Variants in SIX3 observed in about 807,000 individuals in gnomAD.
SIX3 encodes homeobox protein SIX3.
A neutral mutation model predicts 21.7 loss-of-function variants in SIX3; 2 were observed. The ratio of observed to expected loss-of-function variants is 0.09; its 90% CI spans 0.04 to 0.29. The LOEUF is 0.29. Among genes scored for constraint, SIX3 ranks in the 10% least tolerant of loss-of-function variants. SIX3 has a pLI of 1.00. For missense variants in SIX3, 347 were observed against 480.7 expected, an observed-to-expected ratio of 0.72 and a Z score of 2.60; for synonymous variants, 243 against 220.6, an observed-to-expected ratio of 1.10 and a Z score of -0.90.
In SIX3 at chr2:44,943,105, C is replaced by T. The variant is rs1477605018; in HGVS notation, c.806+195C>T. ...GCTGTGGGTGTATTGATTGCTTTGA[C>T]CAAGAGGGGCTTTCGTCAGGGCAGA... On this transcript the variant is annotated intron_variant, in intron 1 of 1. Coordinates refer to ENST00000260653, the MANE Select transcript of SIX3 (RefSeq NM_005413.4). Among the ~76,000 whole-genome samples the T allele has an allele frequency of 6.6e-5, 10 of 151,970 alleles. 2 individuals carry two copies. The highest frequency in any genetic ancestry group is 3.9e-4 in the Admixed American group (6 of 15,264).
intron 1 of SIX3, among the ~76,000 whole-genome samples, chr2:44,944,275 G>A (rs560309144): frequency 1.3e-5 from 2 of 152,344 alleles, no homozygotes; most frequent in East Asian, 1.9e-4. Context: ...GGTTACTAGG[G>A]GAACTCGACC....
Position 44,942,132 on chromosome 2 carries a change from T to C in SIX3, c.28T>C (p.Tyr10His). ...GGTATTCCGCTCCCCCCTAGACCTC[T>C]ATTCCTCCCACTTCTTGTTGCCAAA... is the stretch of plus-strand genomic sequence containing the variant. MVFRSPLDLYSSHFLLPNFA... is the reference protein window; with the variant it reads MVFRSPLDLHSSHFLLPNFA... Residue 10 changes from tyrosine (Y) to histidine (H), a missense_variant, in exon 1 of 2, where the codon TAT (tyrosine) becomes CAT (histidine). Physicochemically the swap from Tyr to His is moderately conservative, Grantham distance 83 (BLOSUM62 2). Coordinates refer to ENST00000260653, the MANE Select transcript of SIX3 (RefSeq NM_005413.4). The surrounding 1 kb of genome is among the most constrained non-coding windows in gnomAD (Gnocchi z 8.4). The C allele has an allele frequency of 6.3e-7, 1 of 1,596,288 alleles. No homozygotes were observed. The highest frequency in any genetic ancestry group is 8.5e-7 in the Non-Finnish European group (1 of 1,178,142).
In SIX3 at chr2:44,945,014, C is replaced by T. The variant is rs527280102; in HGVS notation, c.*254C>T. 7.9e-5 allele frequency: 45 copies of T among 571,528 alleles called. 1 individual carries two copies. In the South Asian group the frequency reaches 8.6e-4, roughly 11 times the overall value. The allele number at this position is 571,528 out of a possible 1,614,324, so 35.4% of individuals were successfully genotyped here. On this transcript the variant is annotated 3_prime_UTR_variant, in exon 2 of 2. Transcript: ENST00000260653. ...CCCCAACCACCATCTACCACTACGG[C>T]CACCCCAAAGGACCCCGACGCCAAC...
chr2:44,945,093 T>C lies in SIX3; in HGVS notation c.*333T>C. The C allele has an allele frequency of 2.5e-6, 1 of 407,982 alleles. No homozygotes were observed. Among genetic ancestry groups the C allele is most frequent in the South Asian group, 2.6e-5 (1 of 37,950 alleles). The allele number at this position is 407,982 out of a possible 1,614,324, so 25.3% of individuals were successfully genotyped here. A position where few individuals can be genotyped will look rare whatever the true frequency, so the allele number is the denominator to read the frequency against. On this transcript the variant is annotated 3_prime_UTR_variant, in exon 2 of 2. Transcript: ENST00000260653. ...GAAAACATAAAAGAGGTGACAATTG[T>C]ATACTTTCTAGGACAAGCACGGCTT...
intron 1 of SIX3, 112 bp downstream of exon 1, chr2:44,943,022 T>C: frequency 6.9e-7 from 1 of 1,444,604 alleles, no homozygotes; most frequent in Non-Finnish European, 9.1e-7. Flanking sequence ...CCGTGACTCC[T>C]GGCCAGTCGG....
Position 44,944,768 on chromosome 2 carries a change from G to A in SIX3, c.*8G>A. ...TCGGAATGTGATGTATGATAGCCAA[G>A]GCCGCCCTCCTCCCTCTCCTTCCCC... On this transcript the variant is annotated 3_prime_UTR_variant, in exon 2 of 2. Coordinates refer to ENST00000260653, the MANE Select transcript of SIX3 (RefSeq NM_005413.4). The A allele has an allele frequency of 6.3e-7, 1 of 1,574,836 alleles. No homozygotes were observed.
At position 44,945,375 on chromosome 2, in the gene SIX3, G is replaced by A. The variant is rs1196196816; in HGVS notation, c.*615G>A. On this transcript the variant is annotated 3_prime_UTR_variant, in exon 2 of 2. Coordinates refer to ENST00000260653, the MANE Select transcript of SIX3 (RefSeq NM_005413.4). ...AAAAAAAAAAAAGAACTCCTGGAGAGGGAAATAGCAAATGTGTCTTGCCTT... is the reference window on the plus strand; with the variant it reads ...AAAAAAAAAAAAGAACTCCTGGAGAAGGAAATAGCAAATGTGTCTTGCCTT... 6.9e-6 allele frequency: 1 copy of A among 145,924 alleles called. No homozygotes were observed. Among genetic ancestry groups the A allele is most frequent in the Non-Finnish European group, 1.5e-5 (1 of 67,160 alleles). 9.0% of individuals were successfully genotyped at this position (145,924 alleles called of 1,614,324 possible).
Position 44,944,861 on chromosome 2 carries a change from C to T in SIX3, c.*101C>T. 1.7e-6 allele frequency: 2 copies of T among 1,152,808 alleles called. No individual in the cohort carries two copies. Among genetic ancestry groups the T allele is most frequent in the Non-Finnish European group, 2.5e-6 (2 of 796,734 alleles). The allele number at this position is 1,152,808 out of a possible 1,614,324, so 71.4% of individuals were successfully genotyped here. On this transcript the variant is annotated 3_prime_UTR_variant, in exon 2 of 2. Coordinates refer to ENST00000260653, the MANE Select transcript of SIX3 (RefSeq NM_005413.4). ...CTTCCTCCTCTTCCTTCTCCTCCTC[C>T]ATCCCCAGAACAAACCGAAATCAGG... is the stretch of plus-strand genomic sequence containing the variant.
At position 44,944,980 on chromosome 2, in the gene SIX3, A is replaced by G. The variant is rs1666662111; in HGVS notation, c.*220A>G. The G allele has an allele frequency of 1.0e-5, 6 of 591,136 alleles. No homozygotes were observed. The highest frequency in any genetic ancestry group is 3.9e-5 in the South Asian group (2 of 50,698). The allele number at this position is 591,136 out of a possible 1,614,324, so 36.6% of individuals were successfully genotyped here. ...GAAAATAACAAATTAACCGCAAACT[A>G]TCAACAACCCCCAACCACCATCTAC... On this transcript the variant is annotated 3_prime_UTR_variant, in exon 2 of 2. Coordinates refer to ENST00000260653, the MANE Select transcript of SIX3 (RefSeq NM_005413.4).
In SIX3 at chr2:44,944,997, A is replaced by G. The variant is rs1666662567; in HGVS notation, c.*237A>G. 1 of 558,844 alleles carries G rather than the reference A, an allele frequency of 1.8e-6. No individual in the cohort carries two copies. Among genetic ancestry groups the G allele is most frequent in the Non-Finnish European group, 3.2e-6 (1 of 310,976 alleles). 34.6% of individuals were successfully genotyped at this position (558,844 alleles called of 1,614,324 possible). A position where few individuals can be genotyped will look rare whatever the true frequency, so the allele number is the denominator to read the frequency against. On this transcript the variant is annotated 3_prime_UTR_variant, in exon 2 of 2. Transcript: ENST00000260653. ...CGCAAACTATCAACAACCCCCAACC[A>G]CCATCTACCACTACGGCCACCCCAA... is the stretch of plus-strand genomic sequence containing the variant.
rs1038212877 is a variant in SIX3 at position 44,945,888 on chromosome 2, C to G, written c.*1128C>G. On this transcript the variant is annotated 3_prime_UTR_variant, in exon 2 of 2. Coordinates refer to ENST00000260653, the MANE Select transcript of SIX3 (RefSeq NM_005413.4). ...CCTGGGTTAGGAAGAGGGACCCTGT[C>G]GCTAGCAAAAGCGGAGAGTGAGATT... 4 of 152,216 alleles carry G rather than the reference C, an allele frequency of 2.6e-5. No homozygotes were observed. The highest frequency in any genetic ancestry group is 9.7e-5 in the African/African-American group (4 of 41,442). The allele number at this position is 152,216 out of a possible 1,614,324, so 9.4% of individuals were successfully genotyped here.
chr2:44,942,325 C>T lies in SIX3; in HGVS notation c.221C>T (p.Pro74Leu), dbSNP rs771429347. The T allele has an allele frequency of 2.5e-6, 4 of 1,593,720 alleles. No individual in the cohort carries two copies. The highest frequency in any genetic ancestry group is 3.4e-6 in the Non-Finnish European group (4 of 1,177,682). ...GGCGGCGGCGGCTCCAGGGCCCCCCCGGAAGAGTTGTCCATGTTCCAGCTG... is the reference window on the plus strand; with the variant it reads ...GGCGGCGGCGGCTCCAGGGCCCCCCTGGAAGAGTTGTCCATGTTCCAGCTG... The part of the protein sequence containing the change: ...GGGGGGSRAP[P>L]EELSMFQLPT... Residue 74 changes from proline (P) to leucine (L), a missense_variant, in exon 1 of 2, where the codon CCG (proline) becomes CTG (leucine). By Grantham distance (98) the Pro-to-Leu change is moderately conservative (BLOSUM62 -3). Around this residue, in one of 4 missense-constraint regions of SIX3, gnomAD observed 105 missense variants for 116.1 expected, o/e 0.90. Transcript: ENST00000260653. This position sits in a 1 kb window ranked among gnomAD's most constrained non-coding sequence, Gnocchi z 8.4.
At position 44,942,100 on chromosome 2, in the gene SIX3, A is replaced by T. The variant is rs773437585; in HGVS notation, c.-5A>T. On this transcript the variant is annotated 5_prime_UTR_variant, in exon 1 of 2. Transcript: ENST00000260653. This position sits in a 1 kb window ranked among gnomAD's most constrained non-coding sequence, Gnocchi z 8.4. ...GAATTTTCTCCTCTCCTCTCAGGTC[A>T]GTCCATGGTATTCCGCTCCCCCCTA... The T allele has an allele frequency of 3.2e-5, 50 of 1,585,324 alleles. 1 individual carries two copies. The South Asian group carries it at 5.2e-4, about 16-fold the overall frequency.
chr2:44,942,069 C>G lies in SIX3; in HGVS notation c.-36C>G, dbSNP rs745758203. 9.8e-6 allele frequency: 15 copies of G among 1,538,178 alleles called. No individual in the cohort carries two copies. The highest frequency in any genetic ancestry group is 1.2e-5 in the Non-Finnish European group (14 of 1,129,588). On this transcript the variant is annotated 5_prime_UTR_variant, in exon 1 of 2. Transcript: ENST00000260653. The surrounding 1 kb of genome is among the most constrained non-coding windows in gnomAD (Gnocchi z 8.4). The stretch of plus-strand genomic sequence containing the variant: ...TCCTCTTCCTCCCCTCTCTCTTCCT[C>G]TCCCTGAATTTTCTCCTCTCCTCTC...
chr2:44,944,921 A>T lies in SIX3; in HGVS notation c.*161A>T. On this transcript the variant is annotated 3_prime_UTR_variant, in exon 2 of 2. Coordinates refer to ENST00000260653, the MANE Select transcript of SIX3 (RefSeq NM_005413.4). ...CATACACACATACAAGTCCACACAC[A>T]CTCCCACCCCAGCCAAAAATATATA... 2 of 660,816 alleles carry T rather than the reference A, an allele frequency of 3.0e-6. No homozygotes were observed. The highest frequency in any genetic ancestry group is 1.8e-5 in the South Asian group (1 of 56,884). 40.9% of individuals were successfully genotyped at this position (660,816 alleles called of 1,614,324 possible). A position where few individuals can be genotyped will look rare whatever the true frequency, so the allele number is the denominator to read the frequency against.
Position 44,945,007 on chromosome 2 carries a change from A to C in SIX3, c.*247A>C. 5.4e-6 allele frequency: 3 copies of C among 556,714 alleles called. No homozygotes were observed. Among genetic ancestry groups the C allele is most frequent in the East Asian group, 3.1e-5 (1 of 32,566 alleles). 34.5% of individuals were successfully genotyped at this position (556,714 alleles called of 1,614,324 possible). On this transcript the variant is annotated 3_prime_UTR_variant, in exon 2 of 2. Transcript: ENST00000260653. ...CAACAACCCCCAACCACCATCTACC[A>C]CTACGGCCACCCCAAAGGACCCCGA... is the stretch of plus-strand genomic sequence containing the variant.
chr2:44,944,332 A>AG (rs1666646182), intron 1 of SIX3, among the ~76,000 whole-genome samples: 1 of 152,130 alleles, frequency 6.6e-6, no homozygotes, highest in African/African-American at 2.4e-5. Context: ...GGGACTGCGG[A>AG]GGGAAGAAGC....
At chr2:44,943,060 C>A (rs1447610370) in intron 1 of SIX3, 150 bp downstream of exon 1, 6 of 1,332,896 alleles carry the variant, frequency 4.5e-6, no homozygotes, top group African/African-American at 1.5e-5. Flanking sequence ...CCGGGACGCG[C>A]GGAAGAGGGG....
At position 44,944,884 on chromosome 2, in the gene SIX3, A is replaced by G; in HGVS notation, c.*124A>G. On this transcript the variant is annotated 3_prime_UTR_variant, in exon 2 of 2. Transcript: ENST00000260653. ...TCCATCCCCAGAACAAACCGAAATC[A>G]GGATACCCAACCATACACACATACA... 1 of 884,136 alleles carries G rather than the reference A, an allele frequency of 1.1e-6. No homozygotes were observed. Among genetic ancestry groups the G allele is most frequent in the Non-Finnish European group, 1.8e-6 (1 of 553,534 alleles). The allele number at this position is 884,136 out of a possible 1,614,324, so 54.8% of individuals were successfully genotyped here.
Sources: gnomAD v4.1 joint callset for allele counts (sites outside exome capture counted in the v4.1 genomes callset) on GRCh38, gnomAD v4.1.1 for gene constraint, gnomAD v4.1.1 regional missense constraint, Gnocchi (gnomAD v3.1) non-coding constraint, MANE v1.5 for transcripts, NCBI Gene and HGNC (gene_info 2026-07-23, HGNC 2026-07-21) for gene names.